The following DIP2B variants were observed in gnomAD, a reference collection of about 807,000 sequenced individuals.
The protein encoded by DIP2B is disco-interacting protein 2 homolog B.
A neutral mutation model predicts 198.0 loss-of-function variants in DIP2B; 76 were observed. The observed-to-expected ratio is 0.38, with a 90% CI of 0.32 to 0.46. The LOEUF is 0.46. DIP2B is among the 20% of genes least tolerant of loss of function. The pLI is 0.99. For missense variants in DIP2B, 1,559 were observed against 1,978.4 expected, an observed-to-expected ratio of 0.79 and a Z score of 4.02; for synonymous variants, 701 against 739.1, an observed-to-expected ratio of 0.95 and a Z score of 0.84.
At chr12:50,577,697 G>A (rs1223478545) in intron 1 of DIP2B, among the ~76,000 whole-genome samples, 3 of 151,540 alleles carry the variant, frequency 2.0e-5, no homozygotes, top group Non-Finnish European at 4.4e-5. Context: ...TTACCTTTCT[G>A]TGAATCTCTT....
At chr12:50,523,748 A>G (rs937482980) in intron 1 of DIP2B, among the ~76,000 whole-genome samples, 11 of 152,220 alleles carry the variant, frequency 7.2e-5, no homozygotes, top group Admixed American at 5.2e-4. Flanking sequence ...TCTTATATAT[A>G]TAGGAAAACA....
intron 2 of DIP2B, among the ~76,000 whole-genome samples, chr12:50,629,817 A>G (rs1938008282): frequency 6.6e-6 from 1 of 152,098 alleles, no homozygotes; most frequent in African/African-American, 2.4e-5. Flanking sequence ...AGTGAATACA[A>G]CCCACATTCA....
At chr12:50,632,051 A>C (rs971007909) in intron 2 of DIP2B, among the ~76,000 whole-genome samples, 6 of 151,948 alleles carry the variant, frequency 3.9e-5, no homozygotes, top group Admixed American at 3.9e-4. Context: ...GCTGTTCTCA[A>C]ACTCCTGAGC....
chr12:50,700,240 C>T (rs1340790156), intron 19 of DIP2B, among the ~76,000 whole-genome samples: 3 of 152,134 alleles, frequency 2.0e-5, no homozygotes, highest in African/African-American at 7.2e-5. Context: ...CTTCTGCATG[C>T]GAAGCCAGGT....
intron 1 of DIP2B, among the ~76,000 whole-genome samples, chr12:50,571,823 G>A (rs1245642286): frequency 6.6e-6 from 1 of 152,164 alleles, no homozygotes; most frequent in East Asian, 1.9e-4. Context: ...CTCCCAAAAT[G>A]TGGGAATTAC....
intron 30 of DIP2B, among the ~76,000 whole-genome samples, chr12:50,730,820 T>C (rs1160514973): frequency 1.2e-4 from 18 of 152,162 alleles, no homozygotes; most frequent in Admixed American, 1.2e-3. Context: ...TTCATACTCA[T>C]TCTTCAAGCT....
chr12:50,669,379 A>G (rs1938810422), intron 4 of DIP2B, among the ~76,000 whole-genome samples: 1 of 152,194 alleles, frequency 6.6e-6, no homozygotes, highest in South Asian at 2.1e-4. Flanking sequence ...TGGAGGTAGT[A>G]CAGAACAAGA....
At chr12:50,661,078 T>C (rs1451691059) in intron 4 of DIP2B, among the ~76,000 whole-genome samples, 1 of 152,058 alleles carries the variant, frequency 6.6e-6, no homozygotes. Context: ...AAAGTTTTTT[T>C]AAAACCTTAA....
intron 30 of DIP2B, 63 bp from the exon 31 acceptor site, chr12:50,731,306 G>A: frequency 1.3e-6 from 2 of 1,572,888 alleles, no homozygotes; most frequent in Non-Finnish European, 1.7e-6. Flanking sequence ...AATTGGTGGG[G>A]TTCTGAAGCA....
chr12:50,722,136 T>C (rs746496220), intron 26 of DIP2B, among the ~76,000 whole-genome samples: 12 of 152,178 alleles, frequency 7.9e-5, no homozygotes, highest in East Asian at 5.8e-4. Flanking sequence ...GGGTGAAATA[T>C]TGGAGTTTTC....
Position 50,659,302 on chromosome 12 carries a change from A to G in DIP2B, c.302-892A>G, listed in dbSNP as rs1938605490. ...TTCTTGATTCAGAGTTTAAATTTAAAAAAGAGGATCTCATTGGTCTAGCTC... is the reference window on the plus strand; with the variant it reads ...TTCTTGATTCAGAGTTTAAATTTAAGAAAGAGGATCTCATTGGTCTAGCTC... On this transcript the variant is annotated intron_variant, in intron 3 of 37. Coordinates refer to ENST00000301180, the MANE Select transcript of DIP2B (RefSeq NM_173602.3). Among the ~76,000 whole-genome samples the G allele has an allele frequency of 2.6e-5, 4 of 152,156 alleles. No individual in the cohort carries two copies. The South Asian group carries it at 8.3e-4, about 32-fold the overall frequency.
intron 1 of DIP2B, among the ~76,000 whole-genome samples, chr12:50,528,078 C>T (rs1958183661): frequency 1.3e-5 from 2 of 151,978 alleles, no homozygotes; most frequent in Admixed American, 6.6e-5. Flanking sequence ...CAAGCATGCA[C>T]CACCATGCCC....
chr12:50,595,530 C>A (rs1958871086), intron 1 of DIP2B, among the ~76,000 whole-genome samples: 2 of 152,208 alleles, frequency 1.3e-5, no homozygotes, highest in Non-Finnish European at 2.9e-5. Context: ...GTCTTGAACT[C>A]CTAGGCTCAA....
At chr12:50,623,327 C>T (rs1345259952) in intron 1 of DIP2B, among the ~76,000 whole-genome samples, 1 of 151,652 alleles carries the variant, frequency 6.6e-6, no homozygotes, top group Non-Finnish European at 1.5e-5. Flanking sequence ...GAGCTATGAT[C>T]ACACCACTGC....
Position 50,678,856 on chromosome 12 carries a change from C to T in DIP2B, c.1094C>T (p.Pro365Leu). 1 of 1,614,168 alleles carries T rather than the reference C, an allele frequency of 6.2e-7. No individual in the cohort carries two copies. The highest frequency in any genetic ancestry group is 8.5e-7 in the Non-Finnish European group (1 of 1,180,038). The part of the protein sequence containing the change: ...CLTALDMTGK[P>L]VYTLTYGKLW... ...ACTGCACTGGACATGACAGGGAAAC[C>T]AGTTTACACTCTTACATATGGTGAG... The change falls in exon 8 of 38, where the codon CCA (proline) becomes CTA (leucine). Residue 365 changes from proline (P) to leucine (L), a missense_variant. By Grantham distance (98) the Pro-to-Leu change is moderately conservative (BLOSUM62 -3). Coordinates refer to ENST00000301180, the MANE Select transcript of DIP2B (RefSeq NM_173602.3).
intron 1 of DIP2B, among the ~76,000 whole-genome samples, chr12:50,582,457 T>G (rs940819148): frequency 6.6e-6 from 1 of 151,958 alleles, no homozygotes; most frequent in East Asian, 1.9e-4. Context: ...GCCTAATAGC[T>G]TTTTTTTCTG....
chr12:50,562,086 A>G lies in DIP2B; in HGVS notation c.100+56846A>G, dbSNP rs562352505. On this transcript the variant is annotated intron_variant, in intron 1 of 37. Transcript: ENST00000301180. The stretch of plus-strand genomic sequence containing the variant: ...GGTATCATTCAGATATTTGAAATCA[A>G]TTTCTAAAGTGACAGTAAATTATTT... Among the ~76,000 whole-genome samples, 89 of 152,340 alleles carry G rather than the reference A, an allele frequency of 5.8e-4. 1 individual carries two copies. In the South Asian group the frequency reaches 0.013, roughly 22 times the overall value.
intron 1 of DIP2B, among the ~76,000 whole-genome samples, chr12:50,618,903 T>A (rs1937751759): frequency 6.6e-6 from 1 of 152,200 alleles, no homozygotes; most frequent in Admixed American, 6.5e-5. Context: ...GTAGCACTTG[T>A]ACTTTTATTG....
chr12:50,625,112 T>TTTTTCAG (rs1475063117), intron 1 of DIP2B, among the ~76,000 whole-genome samples: 6 of 152,360 alleles, frequency 3.9e-5, no homozygotes, highest in Admixed American at 3.3e-4. Flanking sequence ...TCTCTTATTT[T>TTTTTCAG]AAAAGGTTCT....
Sources: allele counts gnomAD v4.1 joint callset (sites outside exome capture counted in the v4.1 genomes callset), GRCh38; gene constraint gnomAD v4.1.1; transcripts MANE v1.5; gene names NCBI Gene and HGNC (gene_info 2026-07-23, HGNC 2026-07-21).